The following SMARCC2 variants were observed in gnomAD, a reference collection of about 807,000 sequenced individuals.
The protein encoded by SMARCC2 is SWI/SNF complex subunit SMARCC2.
Under a neutral mutation model 151.3 loss-of-function variants are expected in SMARCC2, and 15 were observed. The observed-to-expected ratio is 0.10, with a 90% CI of 0.07 to 0.15. The LOEUF (loss-of-function observed/expected upper bound fraction) is 0.15. SMARCC2 is among the 10% of genes least tolerant of loss of function. The pLI is 1.00. For synonymous variants in SMARCC2, 590 were observed against 609.5 expected (o/e 0.97, Z 0.47); for missense variants, 1,031 against 1,599.7 (o/e 0.64, Z 6.06).
At chr12:56,187,421 T>G in intron 1 of SMARCC2, 115 bp from the exon 2 acceptor site, 1 of 960,040 alleles carries the variant, frequency 1.0e-6, no homozygotes, top group Non-Finnish European at 1.6e-6. Flanking sequence ...AATAGTGCCC[T>G]TCTCCCCATT....
chr12:56,186,118 A>G (rs1565924286), intron 3 of SMARCC2, 37 bp downstream of exon 3: 1 of 1,388,144 alleles, frequency 7.2e-7, no homozygotes, highest in Admixed American at 1.7e-5. Flanking sequence ...GATTTCCTCT[A>G]AACTAAATAT....
intron 16 of SMARCC2, 63 bp from the exon 17 acceptor site, chr12:56,173,912 A>C: frequency 1.3e-6 from 2 of 1,497,376 alleles, no homozygotes; most frequent in East Asian, 2.4e-5. Flanking sequence ...GAGGAAGAGG[A>C]AAAGTGGGGG....
rs1871991176 is a variant in SMARCC2 at position 56,162,402 on chromosome 12, G to C, written c.*1287C>G. On this transcript the variant is annotated 3_prime_UTR_variant, in exon 29 of 29. Coordinates refer to ENST00000550164, the MANE Select transcript of SMARCC2 (RefSeq NM_001330288.2). ...AATTTATAAAAAAAAAAAAAAGAAA[G>C]AAAGAAAAAAAGAGAAAATTTACAG... 1.6e-6 allele frequency: 1 copy of C among 637,528 alleles called. No homozygotes were observed. Among genetic ancestry groups the C allele is most frequent in the Non-Finnish European group, 2.8e-6 (1 of 361,554 alleles). 39.5% of individuals were successfully genotyped at this position (637,528 alleles called of 1,614,324 possible).
chr12:56,189,414 C>A lies in SMARCC2; in HGVS notation c.48G>T (p.Glu16Asp). ...KDGGPNVKYY[E>D]AADTVTQFDN... is the part of the protein sequence containing the mutation. ...CGAACTGGGTCACGGTGTCCGCGGC[C>A]TCGTAGTACTTCACGTTGGGGCCGC... The change falls in exon 1 of 29, where the codon GAG becomes GAT. Residue 16 changes from glutamate to aspartate, a missense_variant. Coordinates refer to ENST00000550164, the MANE Select transcript of SMARCC2 (RefSeq NM_001330288.2). The A allele has an allele frequency of 6.5e-7, 1 of 1,528,004 alleles. No individual in the cohort carries two copies. Among genetic ancestry groups the A allele is most frequent in the Non-Finnish European group, 8.8e-7 (1 of 1,132,810 alleles). The allele number at this position is 1,528,004 out of a possible 1,614,324, so 94.7% of individuals were successfully genotyped here.
At chr12:56,172,564 G>A in intron 19 of SMARCC2, 21 bp downstream of exon 19, 1 of 1,614,152 alleles carries the variant, frequency 6.2e-7, no homozygotes. Flanking sequence ...TCTACCCCTA[G>A]AGTCGGCCCG....
intron 26 of SMARCC2, 87 bp downstream of exon 26, chr12:56,167,951 AACACACACACACACACACACAC>A (rs56809897): frequency 5.9e-5 from 41 of 689,554 alleles, no homozygotes; most frequent in South Asian, 7.8e-5. Context: ...CTTTCACTGA[AACACACACACACACACACACAC>A]ACACACACAC....
At chr12:56,163,890 T>C (rs974059061) in intron 28 of SMARCC2, 125 bp from the exon 29 acceptor site, 1 of 590,072 alleles carries the variant, frequency 1.7e-6, no homozygotes, top group South Asian at 2.3e-5. Flanking sequence ...GAGGTACCCA[T>C]AATGTTCAAC....
Position 56,187,205 on chromosome 12 carries a change from T to C in SMARCC2, c.213A>G (p.Ala71=), listed in dbSNP as rs1592329418. The change falls in exon 2 of 29, where the codon GCA becomes GCG. Residue 71 remains alanine, a synonymous_variant. Transcript: ENST00000550164. ...EEVFGKHVSN[A]PLTKLPIKCF... ...CACTCACCGGCAGTTTAGTGAGCGG[T>C]GCATTGCTGACATGTTTGCCAAAAA... The C allele has an allele frequency of 6.2e-7, 1 of 1,613,996 alleles. No homozygotes were observed. Among genetic ancestry groups the C allele is most frequent in the Non-Finnish European group, 8.5e-7 (1 of 1,179,910 alleles).
In SMARCC2 at chr12:56,172,958, C is replaced by T. The variant is rs771282178; in HGVS notation, c.1722G>A (p.Thr574=). Residue 574 remains threonine (T), a synonymous_variant, in exon 18 of 29, where the codon ACG becomes ACA. Coordinates refer to ENST00000550164, the MANE Select transcript of SMARCC2 (RefSeq NM_001330288.2). ...CTACCAGCTCTGGCTTGCCCTTAGC[C>T]GTCTCTGGCACCAGGTCATCCAGCT... is the stretch of plus-strand genomic sequence containing the variant. ...GKELDDLVPE[T]AKGKPELQTS... The T allele has an allele frequency of 8.7e-6, 14 of 1,613,740 alleles. No homozygotes were observed. The highest frequency in any genetic ancestry group is 4.0e-5 in the African/African-American group (3 of 74,948).
At chr12:56,179,708 A>T (rs1875744607) in intron 11 of SMARCC2, among the ~76,000 whole-genome samples, 1 of 152,178 alleles carries the variant, frequency 6.6e-6, no homozygotes, top group Admixed American at 6.5e-5. Flanking sequence ...TTTTTTTGAG[A>T]CGGAGTCTCG....
chr12:56,167,959 C>T (rs1262290555), intron 26 of SMARCC2, 101 bp downstream of exon 26: 2 of 697,956 alleles, frequency 2.9e-6, no homozygotes, highest in African/African-American at 4.7e-5. Flanking sequence ...GAAACACACA[C>T]ACACACACAC....
chr12:56,172,905 G>A, intron 18 of SMARCC2, 32 bp downstream of exon 18: 2 of 1,606,990 alleles, frequency 1.2e-6, no homozygotes, highest in South Asian at 2.2e-5. Context: ...AGGGGAAAAT[G>A]AGCAGCCCAG....
chr12:56,188,752 C>A (rs934520812), intron 1 of SMARCC2, among the ~76,000 whole-genome samples: 1 of 152,112 alleles, frequency 6.6e-6, no homozygotes, highest in African/African-American at 2.4e-5. Flanking sequence ...ACTCCTATAC[C>A]CCGGCTCCCT....
intron 11 of SMARCC2, among the ~76,000 whole-genome samples, chr12:56,179,811 C>T (rs1029350568): frequency 1.9e-4 from 29 of 151,588 alleles, no homozygotes; most frequent in Non-Finnish European, 3.1e-4. Flanking sequence ...CTCAGCCTCC[C>T]GAATAGCTAG....
At position 56,171,565 on chromosome 12, in the gene SMARCC2, G is replaced by T. The variant is rs1565902049; in HGVS notation, c.2185+114C>A. On this transcript the variant is annotated intron_variant, in intron 21 of 28. Coordinates refer to ENST00000550164, the MANE Select transcript of SMARCC2 (RefSeq NM_001330288.2). The surrounding 1 kb of genome is among the most constrained non-coding windows in gnomAD (Gnocchi z 4.2). ...AGCCTAGACAGGTGCCTGAGCTGAG[G>T]CCCGCACAGACAAGGCCAGCAGGGC... The T allele has an allele frequency of 1.3e-6, 2 of 1,485,464 alleles. No homozygotes were observed. The highest frequency in any genetic ancestry group is 2.3e-5 in the East Asian group (1 of 44,038). 92.0% of individuals were successfully genotyped at this position (1,485,464 alleles called of 1,614,324 possible). A position where few individuals can be genotyped will look rare whatever the true frequency, so the allele number is the denominator to read the frequency against.
At chr12:56,186,912 T>C in intron 2 of SMARCC2, 1 of 264,800 alleles carries the variant, frequency 3.8e-6, no homozygotes, top group Non-Finnish European at 7.4e-6. Flanking sequence ...CAAATCCAAA[T>C]CTCAAGTCCC....
Position 56,184,918 on chromosome 12 carries a change from G to A in SMARCC2, c.418C>T (p.Pro140Ser). Residue 140 changes from proline (P) to serine (S), a missense_variant, in exon 5 of 29, where the codon CCT (proline) becomes TCT (serine). Physicochemically the swap from Pro to Ser is moderately conservative, Grantham distance 74. Transcript: ENST00000550164. ...ATTTCTGGGCACAGAAAAATGTTAG[G>A]TCGAGACAGGCAATTATTCTGTGGA... ...SLVQNNCLSR[P>S]NIFLCPEIEP... is the part of the protein sequence containing the mutation. The A allele has an allele frequency of 1.9e-6, 3 of 1,613,024 alleles. No homozygotes were observed. The highest frequency in any genetic ancestry group is 2.5e-6 in the Non-Finnish European group (3 of 1,179,038).
At chr12:56,173,194 T>C (rs922516643) in intron 17 of SMARCC2, among the ~76,000 whole-genome samples, 165 bp from the exon 18 acceptor site, 1 of 152,220 alleles carries the variant, frequency 6.6e-6, no homozygotes, top group Admixed American at 6.5e-5. Context: ...TGGCATGATA[T>C]CCATACATAT....
rs375680722 is a variant in SMARCC2 at position 56,165,554 on chromosome 12, C to A, written c.2996G>T (p.Gly999Val). ...CCCTGTTGGGGGGATAGGCTGGGAG[C>A]CTGGGGGCAGGGCTGGTGGTGGCTG... The part of the protein sequence containing the change: ...QQQPPPALPP[G>V]SQPIPPTGAA... The change falls in exon 27 of 29, where the codon GGC (glycine) becomes GTC (valine). Residue 999 changes from glycine (G) to valine (V), a missense_variant. Transcript: ENST00000550164. The A allele has an allele frequency of 1.9e-6, 3 of 1,612,536 alleles. No homozygotes were observed. Among genetic ancestry groups the A allele is most frequent in the Non-Finnish European group, 2.5e-6 (3 of 1,179,734 alleles).
Sources: gnomAD v4.1 joint callset for allele counts (sites outside exome capture counted in the v4.1 genomes callset) on GRCh38, gnomAD v4.1.1 for gene constraint, Gnocchi (gnomAD v3.1) non-coding constraint, MANE v1.5 for transcripts, NCBI Gene and HGNC (gene_info 2026-07-23, HGNC 2026-07-21) for gene names.